Variants in GRXCR1 observed in about 807,000 individuals in gnomAD.
The protein encoded by GRXCR1 is glutaredoxin and cysteine rich domain containing 1.
A neutral mutation model predicts 27.3 loss-of-function variants in GRXCR1; 27 were observed. The ratio of observed to expected loss-of-function variants is 0.99; its 90% CI spans 0.73 to 1.37. The LOEUF is 1.37. Among genes scored for constraint, GRXCR1 ranks in the 40% most tolerant of loss-of-function variants. GRXCR1 has a pLI of 0.00. For missense variants in GRXCR1, 379 were observed against 354.4 expected (o/e 1.07, Z -0.56); for synonymous variants, 122 against 131.1 (o/e 0.93, Z 0.47).
At chr4:42,941,089 A>G (rs1287116231) in intron 1 of GRXCR1, among the ~76,000 whole-genome samples, 1 of 152,036 alleles carries the variant, frequency 6.6e-6, no homozygotes, top group Non-Finnish European at 1.5e-5. Flanking sequence ...TGGACAAGTT[A>G]TTCAAACTCT....
intron 2 of GRXCR1, among the ~76,000 whole-genome samples, chr4:42,974,566 A>G (rs1001676896): frequency 6.6e-6 from 1 of 151,962 alleles, no homozygotes; most frequent in Non-Finnish European, 1.5e-5. Flanking sequence ...TTCTTCCCCC[A>G]ACTTCTTTCC....
intron 2 of GRXCR1, among the ~76,000 whole-genome samples, chr4:42,992,262 G>A (rs1310131134): frequency 6.6e-6 from 1 of 152,092 alleles, no homozygotes; most frequent in Non-Finnish European, 1.5e-5. Flanking sequence ...AGCAGCAAAT[G>A]TTTTTCTTCA....
intron 1 of GRXCR1, among the ~76,000 whole-genome samples, chr4:42,899,088 G>A (rs908504598): frequency 7.9e-5 from 12 of 152,134 alleles, no homozygotes; most frequent in South Asian, 4.2e-4. Context: ...TGGTATTAGC[G>A]CACATACTGA....
At chr4:43,006,162 T>C (rs893421502) in intron 2 of GRXCR1, among the ~76,000 whole-genome samples, 1 of 152,222 alleles carries the variant, frequency 6.6e-6, no homozygotes, top group Non-Finnish European at 1.5e-5. Context: ...CTCTTAATCT[T>C]GTCAGCTGAG....
At chr4:42,938,851 C>T (rs111832471) in intron 1 of GRXCR1, among the ~76,000 whole-genome samples, 25,401 of 149,920 alleles carry the variant, frequency 0.17, 2,414 homozygotes, top group South Asian at 0.3. Context: ...TATTCTGTTC[C>T]ATTGGTCTAC....
intron 2 of GRXCR1, among the ~76,000 whole-genome samples, chr4:42,977,584 G>A (rs185920302): frequency 2.0e-5 from 3 of 151,994 alleles, no homozygotes; most frequent in South Asian, 4.2e-4. Context: ...TTTAAAAAAT[G>A]TAACTATTAG....
chr4:43,020,557 T>C, intron 3 of GRXCR1, 138 bp downstream of exon 3: 2 of 694,072 alleles, frequency 2.9e-6, no homozygotes, highest in Non-Finnish European at 5.3e-6. Flanking sequence ...CAGTTTTAAT[T>C]TGATATCTTC....
intron 2 of GRXCR1, among the ~76,000 whole-genome samples, chr4:42,966,028 A>G (rs905913283): frequency 6.6e-6 from 1 of 151,824 alleles, no homozygotes; most frequent in East Asian, 1.9e-4. Context: ...TGAAGATGGA[A>G]GCAATGAAAC....
chr4:42,904,406 A>G (rs915530832), intron 1 of GRXCR1, among the ~76,000 whole-genome samples: 8 of 152,180 alleles, frequency 5.3e-5, no homozygotes, highest in Admixed American at 4.6e-4. Context: ...TTGTGAGAGA[A>G]AGAAGAGAAA....
At chr4:42,975,195 C>A (rs1397362256) in intron 2 of GRXCR1, among the ~76,000 whole-genome samples, 1 of 152,070 alleles carries the variant, frequency 6.6e-6, no homozygotes, top group African/African-American at 2.4e-5. Context: ...AAACCAAAAA[C>A]CAAAAAGTAA....
intron 1 of GRXCR1, among the ~76,000 whole-genome samples, chr4:42,962,378 T>A (rs1410629366): frequency 6.6e-6 from 1 of 152,004 alleles, no homozygotes; most frequent in East Asian, 1.9e-4. Context: ...ACATATGTCA[T>A]GCTACTTAAA....
chr4:42,987,969 G>A (rs1711835263), intron 2 of GRXCR1, among the ~76,000 whole-genome samples: 1 of 152,132 alleles, frequency 6.6e-6, no homozygotes, highest in Admixed American at 6.5e-5. Context: ...AGTCTCCTAA[G>A]GGCAGGAGAA....
At chr4:43,024,913 T>C (rs956170884) in intron 3 of GRXCR1, among the ~76,000 whole-genome samples, 5 of 152,162 alleles carry the variant, frequency 3.3e-5, no homozygotes, top group African/African-American at 1.2e-4. Flanking sequence ...GATAATGAGG[T>C]GTATTGTCAT....
chr4:43,003,899 A>G (rs1366611204), intron 2 of GRXCR1, among the ~76,000 whole-genome samples: 1 of 152,258 alleles, frequency 6.6e-6, no homozygotes, highest in African/African-American at 2.4e-5. Flanking sequence ...CTGGGGGAAA[A>G]TAAAAGCTGG....
rs770301918 is a variant in GRXCR1 at position 43,030,311 on chromosome 4, C to A, written c.694-50C>A. On this transcript the variant is annotated intron_variant, in intron 3 of 3. Coordinates refer to ENST00000399770, the MANE Select transcript of GRXCR1 (RefSeq NM_001080476.3). ...AGACCGGGAGGCTGATTGAGTTGTT[C>A]ATGCTAACACATCCTCTGTTTTCTC... 6 of 1,561,330 alleles carry A rather than the reference C, an allele frequency of 3.8e-6. No individual in the cohort carries two copies. In the African/African-American group the frequency reaches 5.4e-5, roughly 14 times the overall value.
In GRXCR1 at chr4:42,962,822, A is replaced by C. The variant is rs567060991; in HGVS notation, c.385-70A>C. 7.0e-6 allele frequency: 11 copies of C among 1,573,960 alleles called. No individual in the cohort carries two copies. In the African/African-American group the frequency reaches 9.4e-5, roughly 14 times the overall value. On this transcript the variant is annotated intron_variant, in intron 1 of 3. Transcript: ENST00000399770. The stretch of plus-strand genomic sequence containing the variant: ...TTGCATGGCTTTAACGCAATTTTTA[A>C]TTGTCTTAAAATCATAAGACACAAG...
intron 1 of GRXCR1, among the ~76,000 whole-genome samples, chr4:42,931,948 G>T (rs973342686): frequency 1.3e-5 from 2 of 151,902 alleles, no homozygotes; most frequent in African/African-American, 2.4e-5. Flanking sequence ...CTTACATGGT[G>T]GCCGGCAATA....
At chr4:43,023,772 C>G (rs1166829236) in intron 3 of GRXCR1, among the ~76,000 whole-genome samples, 1 of 152,174 alleles carries the variant, frequency 6.6e-6, no homozygotes, top group East Asian at 1.9e-4. Flanking sequence ...TAAATGACTT[C>G]TCTTTCATCC....
At chr4:43,021,983 A>G (rs551215129) in intron 3 of GRXCR1, among the ~76,000 whole-genome samples, 2 of 152,128 alleles carry the variant, frequency 1.3e-5, no homozygotes, top group Non-Finnish European at 2.9e-5. Context: ...TTTATCTATT[A>G]AATCGGGGTG....
Sources: allele counts gnomAD v4.1 joint callset (sites outside exome capture counted in the v4.1 genomes callset), GRCh38; gene constraint gnomAD v4.1.1; transcripts MANE v1.5; gene names NCBI Gene and HGNC (gene_info 2026-07-23, HGNC 2026-07-21).